EDNRB: variants seen among roughly 807,000 people sequenced by gnomAD.
EDNRB encodes Hirschsprung disease 2.
In EDNRB, 18 loss-of-function variants were observed where a neutral mutation model predicts 46.4. The ratio of observed to expected loss-of-function variants is 0.39; its 90% confidence interval spans 0.27 to 0.57. The LOEUF (loss-of-function observed/expected upper bound fraction) is 0.57. EDNRB is among the 20% of genes least tolerant of loss of function. The pLI, the probability that EDNRB is intolerant of heterozygous loss-of-function variation, is 0.61. For missense variants in EDNRB, 434 were observed against 537.5 expected (o/e 0.81, Z 1.90); for synonymous variants, 213 against 204.9 (o/e 1.04, Z -0.34).
chr13:77,911,438 G>A (rs1019362906), intron 1 of EDNRB, among the ~76,000 whole-genome samples: 1 of 152,064 alleles, frequency 6.6e-6, no homozygotes, highest in African/African-American at 2.4e-5. Context: ...TGAGTGGGAA[G>A]AAGACAGCGT....
intron 1 of EDNRB, among the ~76,000 whole-genome samples, chr13:77,940,700 GGTGTGTGTGT>G (rs6145134): frequency 2.0e-5 from 3 of 149,094 alleles, no homozygotes; most frequent in African/African-American, 7.4e-5. Context: ...AGATGAATTG[GGTGTGTGTGT>G]GTGTGTGTGT....
At chr13:77,941,218 A>G (rs1880734813) in intron 1 of EDNRB, among the ~76,000 whole-genome samples, 1 of 152,216 alleles carries the variant, frequency 6.6e-6, no homozygotes, top group South Asian at 2.1e-4. Flanking sequence ...AAAGAGAAGA[A>G]TCAGAGAAGC....
chr13:77,918,356 T>C lies in EDNRB; in HGVS notation c.218A>G (p.Lys73Arg). 2 of 1,612,540 alleles carry C rather than the reference T, an allele frequency of 1.2e-6. No homozygotes were observed. The highest frequency in any genetic ancestry group is 1.7e-6 in the Non-Finnish European group (2 of 1,178,782). ...ARSLAPAEVPKGDRTAGSPPR... is the reference protein window; with the variant it reads ...ARSLAPAEVPRGDRTAGSPPR... ...CGGAGATCCTGCCGTCCTGTCTCCT[T>C]TAGGCACCTCCGCAGGTGCCAACGA... Residue 73 changes from lysine (K) to arginine (R), a missense_variant, in exon 1 of 7, where the codon AAA becomes AGA. Physicochemically the swap from Lys to Arg is conservative, Grantham distance 26. Coordinates refer to ENST00000646607, the MANE Select transcript of EDNRB (RefSeq NM_001122659.3). This position sits in a 1 kb window ranked among gnomAD's most constrained non-coding sequence, Gnocchi z 4.5.
chr13:77,922,346 A>T (rs1033765423), upstream of EDNRB, among the ~76,000 whole-genome samples: 2 of 152,192 alleles, frequency 1.3e-5, no homozygotes, highest in African/African-American at 4.8e-5. Flanking sequence ...TTTCTCAAAG[A>T]GGTTTGCCAT....
At chr13:77,965,940 G>C (rs1881566904) in intron 1 of EDNRB, among the ~76,000 whole-genome samples, 1 of 152,094 alleles carries the variant, frequency 6.6e-6, no homozygotes, top group Admixed American at 6.6e-5. Flanking sequence ...GCAGTGTTGT[G>C]ATCACAGCTC....
intron 1 of EDNRB, among the ~76,000 whole-genome samples, chr13:77,974,402 T>G (rs887269709): frequency 6.6e-6 from 1 of 152,220 alleles, no homozygotes; most frequent in Non-Finnish European, 1.5e-5. Flanking sequence ...TTAAGGATTT[T>G]TGATAGGAAG....
chr13:77,900,981 T>C (rs918551800), intron 4 of EDNRB, 77 bp downstream of exon 4: 8 of 1,508,938 alleles, frequency 5.3e-6, no homozygotes, highest in Non-Finnish European at 7.3e-6. Context: ...TGTTAGTTTA[T>C]CATCATCATC....
chr13:77,919,162 C>G, upstream of EDNRB: 1 of 558,950 alleles, frequency 1.8e-6, no homozygotes, highest in South Asian at 2.7e-5. Flanking sequence ...AGGAGTGCGC[C>G]GGAGATTCGG....
intron 1 of EDNRB, among the ~76,000 whole-genome samples, chr13:77,971,083 T>C (rs1252382857): frequency 6.6e-6 from 1 of 152,206 alleles, no homozygotes; most frequent in Non-Finnish European, 1.5e-5. Flanking sequence ...CTCAGTCTAC[T>C]GATGTTTAAG....
At chr13:77,944,165 G>T (rs369706744) in intron 1 of EDNRB, among the ~76,000 whole-genome samples, 2 of 152,092 alleles carry the variant, frequency 1.3e-5, no homozygotes, top group African/African-American at 4.8e-5. Context: ...TTTCATGGAA[G>T]CTTTACCAGG....
At chr13:77,927,081 A>C (rs1205056660) in intron 1 of EDNRB, among the ~76,000 whole-genome samples, 3 of 152,176 alleles carry the variant, frequency 2.0e-5, no homozygotes, top group Non-Finnish European at 4.4e-5. Flanking sequence ...ATTCAAGATG[A>C]GATTTGGGTG....
intron 1 of EDNRB, among the ~76,000 whole-genome samples, chr13:77,961,228 A>G (rs1256672613): frequency 6.6e-6 from 1 of 152,034 alleles, no homozygotes; most frequent in Non-Finnish European, 1.5e-5. Context: ...ACCCCAAATC[A>G]AGAGAATATA....
intron 1 of EDNRB, among the ~76,000 whole-genome samples, chr13:77,913,499 G>T (rs1879675803): frequency 6.6e-6 from 1 of 152,154 alleles, no homozygotes; most frequent in South Asian, 2.1e-4. Flanking sequence ...TTATCAGTTT[G>T]CAAGTAGATT....
intron 1 of EDNRB, among the ~76,000 whole-genome samples, chr13:77,946,084 G>C (rs1880903938): frequency 6.6e-6 from 1 of 152,112 alleles, no homozygotes; most frequent in Non-Finnish European, 1.5e-5. Flanking sequence ...TACAAAATAA[G>C]ATTCCCTTAA....
chr13:77,965,793 G>C (rs1053595504), intron 1 of EDNRB, among the ~76,000 whole-genome samples: 6 of 152,044 alleles, frequency 3.9e-5, no homozygotes, highest in African/African-American at 7.2e-5. Flanking sequence ...TATTGAAAAG[G>C]GGTTCTTAAA....
At chr13:77,964,299 C>T (rs1456565723) in intron 1 of EDNRB, among the ~76,000 whole-genome samples, 1 of 152,158 alleles carries the variant, frequency 6.6e-6, no homozygotes, top group Non-Finnish European at 1.5e-5. Context: ...ATAAATCATG[C>T]TGCTATAAAG....
rs201820859 is a variant in EDNRB at position 77,918,565 on chromosome 13, C to A, written c.9G>T (p.Pro3=). 1.9e-6 allele frequency: 3 copies of A among 1,595,982 alleles called. No individual in the cohort carries two copies. The highest frequency in any genetic ancestry group is 2.6e-6 in the Non-Finnish European group (3 of 1,174,562). The stretch of plus-strand genomic sequence containing the variant: ...GGGCGCGTCCGCACAGACTTGGAGG[C>A]GGCTGCATGCTGCTACCTGCTCCAG... MQ[P]PPSLCGRALV... Residue 3 remains proline (P), a synonymous_variant, in exon 1 of 7, where the codon CCG becomes CCT. Coordinates refer to ENST00000646607, the MANE Select transcript of EDNRB (RefSeq NM_001122659.3). The surrounding 1 kb of genome is among the most constrained non-coding windows in gnomAD (Gnocchi z 4.5).
At chr13:77,923,144 T>C (rs544315806), upstream of EDNRB, among the ~76,000 whole-genome samples, 25 of 152,324 alleles carry the variant, frequency 1.6e-4, no homozygotes, top group African/African-American at 6.0e-4. Context: ...TTTCTGCCTA[T>C]AGAAAATATG....
upstream of EDNRB, chr13:77,918,851 G>A (rs1036710130): frequency 6.2e-6 from 8 of 1,296,146 alleles, no homozygotes; most frequent in African/African-American, 1.2e-4. The surrounding 1 kb of genome is among the most constrained non-coding windows in gnomAD (Gnocchi z 4.5). Context: ...GGCCAGGAGG[G>A]GTAAATAATA....
Sources: gnomAD v4.1 joint callset for allele counts (sites outside exome capture counted in the v4.1 genomes callset) on GRCh38, gnomAD v4.1.1 for gene constraint, Gnocchi (gnomAD v3.1) non-coding constraint, MANE v1.5 for transcripts, NCBI Gene and HGNC (gene_info 2026-07-23, HGNC 2026-07-21) for gene names.